Variants in PTPRO observed in about 807,000 individuals in gnomAD.
PTPRO encodes the protein protein tyrosine phosphatase receptor type O.
PTPRO carries 62 observed loss-of-function variants against 145.2 expected under a neutral mutation model. The observed-to-expected ratio is 0.43, with a 90% CI of 0.35 to 0.53. The LOEUF is 0.53. Among genes scored for constraint, PTPRO ranks in the 20% least tolerant of loss-of-function variants. The probability of loss-of-function intolerance (pLI) is 0.01; values close to 1 mark genes in which losing one functional copy is unlikely to be tolerated. For missense variants in PTPRO, 1,345 were observed against 1,482.7 expected (o/e 0.91, Z 1.53); for synonymous variants, 565 against 514.7 (o/e 1.10, Z -1.32).
chr12:15,329,994 A>G (rs1866559690), intron 1 of PTPRO, among the ~76,000 whole-genome samples: 1 of 152,236 alleles, frequency 6.6e-6, no homozygotes, highest in Non-Finnish European at 1.5e-5. Flanking sequence ...AAATGCAGAT[A>G]TATATCAAAG....
chr12:15,367,929 T>C (rs1481412474), intron 1 of PTPRO, among the ~76,000 whole-genome samples: 1 of 152,202 alleles, frequency 6.6e-6, no homozygotes, highest in African/African-American at 2.4e-5. Context: ...CCCTGGGCAA[T>C]AGTGCCTTCT....
At chr12:15,457,301 A>G (rs1057261207) in intron 1 of PTPRO, among the ~76,000 whole-genome samples, 1 of 152,120 alleles carries the variant, frequency 6.6e-6, no homozygotes, top group African/African-American at 2.4e-5. Flanking sequence ...TATTGTGGGT[A>G]TTTGCCTTTT....
chr12:15,542,962 A>G (rs919614426), intron 12 of PTPRO, among the ~76,000 whole-genome samples: 2 of 152,208 alleles, frequency 1.3e-5, no homozygotes, highest in Admixed American at 1.3e-4. Context: ...AAATCTAATT[A>G]TAAGCACTCC....
Position 15,439,365 on chromosome 12 carries a change from A to G in PTPRO, c.76-44609A>G, listed in dbSNP as rs1483590830. On this transcript the variant is annotated intron_variant, in intron 1 of 26. Coordinates refer to ENST00000281171, the MANE Select transcript of PTPRO (RefSeq NM_030667.3). The stretch of plus-strand genomic sequence containing the variant: ...AGACCATATAAAGCAACTACACAAT[A>G]GAAACTACAAAGCAACCAGCTAACA... Among the ~76,000 whole-genome samples, 5 of 152,208 alleles carry G rather than the reference A, an allele frequency of 3.3e-5. No individual in the cohort carries two copies. In the East Asian group the frequency reaches 9.6e-4, roughly 29 times the overall value.
intron 1 of PTPRO, among the ~76,000 whole-genome samples, chr12:15,361,024 G>GGTATAT (rs1249842584): frequency 6.9e-6 from 1 of 145,956 alleles, no homozygotes; most frequent in Non-Finnish European, 1.5e-5. Context: ...TAAACATATA[G>GGTATAT]GTATATGTTT....
chr12:15,500,708 G>T (rs3790004), intron 4 of PTPRO, among the ~76,000 whole-genome samples: 4 of 152,152 alleles, frequency 2.6e-5, no homozygotes, highest in South Asian at 2.1e-4. Flanking sequence ...GATCACCTGA[G>T]GTCAGGAGTT....
intron 1 of PTPRO, among the ~76,000 whole-genome samples, chr12:15,338,850 T>C (rs1278303997): frequency 6.6e-6 from 1 of 152,176 alleles, no homozygotes; most frequent in East Asian, 1.9e-4. Context: ...GATGAATACA[T>C]GTTCAGATAT....
intron 2 of PTPRO, among the ~76,000 whole-genome samples, chr12:15,490,310 A>T (rs1468026126): frequency 6.6e-6 from 1 of 152,192 alleles, no homozygotes; most frequent in East Asian, 1.9e-4. Flanking sequence ...TTTTTCTATG[A>T]AGGCTTAGAT....
At chr12:15,427,128 C>A (rs960194670) in intron 1 of PTPRO, among the ~76,000 whole-genome samples, 1 of 151,916 alleles carries the variant, frequency 6.6e-6, no homozygotes, top group African/African-American at 2.4e-5. Flanking sequence ...CTCTTAGATG[C>A]TCACATGCTA....
intron 5 of PTPRO, among the ~76,000 whole-genome samples, chr12:15,503,619 A>G (rs1942263190): frequency 6.6e-6 from 1 of 152,284 alleles, no homozygotes; most frequent in African/African-American, 2.4e-5. Context: ...TCTATTTTGT[A>G]CACATAATTT....
chr12:15,417,962 C>G (rs372151711), intron 1 of PTPRO, among the ~76,000 whole-genome samples: 2 of 151,828 alleles, frequency 1.3e-5, no homozygotes, highest in East Asian at 1.9e-4. Context: ...GGCTACCCAT[C>G]TGCAAATTGT....
chr12:15,393,220 A>T (rs1939239888), intron 1 of PTPRO, among the ~76,000 whole-genome samples: 1 of 152,198 alleles, frequency 6.6e-6, no homozygotes, highest in Admixed American at 6.5e-5. Context: ...AACATGAAAA[A>T]AAAAATCACA....
At position 15,468,086 on chromosome 12, in the gene PTPRO, A is replaced by T. The variant is rs75562328; in HGVS notation, c.76-15888A>T. ...CAGATTTCTTTATTCTTTATTCTTT[A>T]TTCAAATCCGTTGTAATTTGAATCC... On this transcript the variant is annotated intron_variant, in intron 1 of 26. Transcript: ENST00000281171. Among the ~76,000 whole-genome samples the T allele has an allele frequency of 7.7e-3, 1,176 of 151,842 alleles. 18 individuals are homozygous for T. Among genetic ancestry groups the T allele is most frequent in the African/African-American group, 0.027 (1,112 of 41,382 alleles).
At position 15,515,634 on chromosome 12, in the gene PTPRO, C is replaced by T. The variant is rs769134771; in HGVS notation, c.1585+16C>T. 6 of 1,613,930 alleles carry T rather than the reference C, an allele frequency of 3.7e-6. No homozygotes were observed. In the East Asian group the frequency reaches 6.7e-5, roughly 18 times the overall value. ...TTTGCTATTGGTAAGTTGCTAGCCA[C>T]AAGAAGAATGACTGACCTATATATT... On this transcript the variant is annotated intron_variant, in intron 8 of 26. Coordinates refer to ENST00000281171, the MANE Select transcript of PTPRO (RefSeq NM_030667.3).
At position 15,516,788 on chromosome 12, in the gene PTPRO, G is replaced by T. The variant is rs141255287; in HGVS notation, c.1611G>T (p.Met537Ile). The change falls in exon 9 of 27, where the codon ATG (methionine) becomes ATT (isoleucine). Residue 537 changes from methionine (M) to isoleucine (I), a missense_variant. Around this residue, in one of 3 missense-constraint regions of PTPRO, gnomAD observed 1,130 missense variants for 1,214.7 expected, o/e 0.93. Coordinates refer to ENST00000281171, the MANE Select transcript of PTPRO (RefSeq NM_030667.3). ...AIVPTGIKDL[M>I]LYPLGPTAVV... ...TTCCCACAGGAATAAAGGATTTAAT[G>T]CTCTATCCTTTGGGTCCTACGGCCG... is the stretch of plus-strand genomic sequence containing the variant. 331 of 1,610,194 alleles carry T rather than the reference G, an allele frequency of 2.1e-4. No homozygotes were observed. The highest frequency in any genetic ancestry group is 2.6e-4 in the Non-Finnish European group (300 of 1,176,428).
At chr12:15,428,364 T>C (rs1219498859) in intron 1 of PTPRO, among the ~76,000 whole-genome samples, 3 of 152,164 alleles carry the variant, frequency 2.0e-5, no homozygotes, top group Non-Finnish European at 4.4e-5. Flanking sequence ...ATAGAGGTCA[T>C]GCATGGTGTT....
chr12:15,423,880 G>A (rs1446688567), intron 1 of PTPRO, among the ~76,000 whole-genome samples: 1 of 152,152 alleles, frequency 6.6e-6, no homozygotes, highest in Non-Finnish European at 1.5e-5. Flanking sequence ...TGATGCAATG[G>A]GGAGAACTTA....
chr12:15,412,854 C>T (rs958547974), intron 1 of PTPRO, among the ~76,000 whole-genome samples: 9 of 152,144 alleles, frequency 5.9e-5, no homozygotes, highest in African/African-American at 1.7e-4. Context: ...AGTGCAGTGA[C>T]GCAATCTCGT....
chr12:15,502,758 C>G (rs1230865790), intron 5 of PTPRO, among the ~76,000 whole-genome samples: 1 of 152,056 alleles, frequency 6.6e-6, no homozygotes, highest in Non-Finnish European at 1.5e-5. Context: ...TGATACCTAT[C>G]TCAATTGTTG....
Sources: gnomAD v4.1 joint callset for allele counts (sites outside exome capture counted in the v4.1 genomes callset) on GRCh38, gnomAD v4.1.1 for gene constraint, gnomAD v4.1.1 regional missense constraint, MANE v1.5 for transcripts, NCBI Gene and HGNC (gene_info 2026-07-23, HGNC 2026-07-21) for gene names.